Variants in ATRNL1 observed in about 807,000 individuals in gnomAD.
ATRNL1 encodes the protein attractin like 1.
Under a neutral mutation model 182.7 loss-of-function variants are expected in ATRNL1, and 95 were observed. That is an observed-to-expected ratio of 0.52 (90% CI 0.44 to 0.62). The LOEUF (loss-of-function observed/expected upper bound fraction) is 0.62, where lower values mean the gene tolerates loss of function less well. Among genes scored for constraint, ATRNL1 ranks in the 20% least tolerant of loss-of-function variants. The pLI, the probability that ATRNL1 is intolerant of heterozygous loss-of-function variation, is 0.00. For missense variants in ATRNL1, 1,471 were observed against 1,679.5 expected (o/e 0.88, Z 2.17); for synonymous variants, 576 against 568.3 (o/e 1.01, Z -0.19).
intron 19 of ATRNL1, among the ~76,000 whole-genome samples, chr10:115,348,817 TA>T (rs1234880980): frequency 5.3e-5 from 8 of 152,040 alleles, no homozygotes; most frequent in Non-Finnish European, 7.4e-5. Context: ...CTTCAATATT[TA>T]AAAAAATAAT....
At chr10:115,882,031 C>A (rs1951837035) in intron 28 of ATRNL1, among the ~76,000 whole-genome samples, 1 of 152,200 alleles carries the variant, frequency 6.6e-6, no homozygotes, top group South Asian at 2.1e-4. Context: ...CTGTCATATG[C>A]AGTCTTTACT....
At chr10:115,824,875 C>T (rs1045044612) in intron 27 of ATRNL1, among the ~76,000 whole-genome samples, 1 of 151,726 alleles carries the variant, frequency 6.6e-6, no homozygotes, top group Admixed American at 6.6e-5. Flanking sequence ...CTAGAATCAG[C>T]AATCTCATTA....
At chr10:115,589,089 A>G (rs1195666220) in intron 26 of ATRNL1, among the ~76,000 whole-genome samples, 2 of 152,308 alleles carry the variant, frequency 1.3e-5, no homozygotes, top group East Asian at 3.9e-4. Flanking sequence ...AAGAAATATA[A>G]TAAAAATGCA....
At chr10:115,405,324 T>C (rs1844765474) in intron 20 of ATRNL1, among the ~76,000 whole-genome samples, 1 of 152,228 alleles carries the variant, frequency 6.6e-6, no homozygotes, top group African/African-American at 2.4e-5. Flanking sequence ...GTCAAATGCA[T>C]GTGTGTTATA....
chr10:115,686,959 C>T (rs1356822986), intron 26 of ATRNL1, among the ~76,000 whole-genome samples: 2 of 152,018 alleles, frequency 1.3e-5, no homozygotes, highest in Non-Finnish European at 2.9e-5. Context: ...AGCCATGGAA[C>T]TATCGACAGA....
At chr10:115,836,171 C>T (rs1395068757) in intron 27 of ATRNL1, among the ~76,000 whole-genome samples, 1 of 152,138 alleles carries the variant, frequency 6.6e-6, no homozygotes, top group Non-Finnish European at 1.5e-5. Context: ...TCCCTCTTGA[C>T]CTTTGTGTGG....
intron 18 of ATRNL1, among the ~76,000 whole-genome samples, chr10:115,333,431 G>C (rs951658797): frequency 1.3e-5 from 2 of 150,878 alleles, no homozygotes; most frequent in South Asian, 2.1e-4. Context: ...GTTAAATCTT[G>C]AAGTTTTTCT....
intron 24 of ATRNL1, 50 bp from the exon 25 acceptor site, chr10:115,519,213 A>G: frequency 1.4e-6 from 2 of 1,434,786 alleles, no homozygotes; most frequent in Non-Finnish European, 1.9e-6. Flanking sequence ...ATATCACCAC[A>G]GGTTTTAGAG....
intron 26 of ATRNL1, among the ~76,000 whole-genome samples, chr10:115,707,290 C>T (rs566365080): frequency 1.6e-3 from 249 of 151,802 alleles, no homozygotes; most frequent in Non-Finnish European, 2.9e-3. Context: ...CTTACAGAAA[C>T]TTTTATAGAA....
intron 20 of ATRNL1, among the ~76,000 whole-genome samples, chr10:115,399,398 G>A (rs1554956408): frequency 1.3e-5 from 2 of 152,010 alleles, no homozygotes; most frequent in Admixed American, 6.6e-5. Context: ...GTTCAGTCTT[G>A]GGAGGGTTTA....
At position 115,470,240 on chromosome 10, in the gene ATRNL1, T is replaced by G. The variant is rs940584466; in HGVS notation, c.3654+911T>G. 3.3e-5 allele frequency among the ~76,000 whole-genome samples: 5 copies of G among 150,528 alleles called. No individual in the cohort carries two copies. In the East Asian group the frequency reaches 9.7e-4, roughly 29 times the overall value. On this transcript the variant is annotated intron_variant, in intron 24 of 28. Coordinates refer to ENST00000355044, the MANE Select transcript of ATRNL1 (RefSeq NM_207303.4). ...GTTTACTGGAAAAAATTTTTCTTCT[T>G]ATTTTTAAGGTTGATGTAACACTTA...
At chr10:115,254,724 G>C (rs1246564420) in intron 10 of ATRNL1, among the ~76,000 whole-genome samples, 1 of 152,298 alleles carries the variant, frequency 6.6e-6, no homozygotes, top group Non-Finnish European at 1.5e-5. Flanking sequence ...CCTATGTCCT[G>C]AATGGTATTG....
chr10:115,215,594 T>C, intron 8 of ATRNL1, 103 bp from the exon 9 acceptor site: 3 of 907,860 alleles, frequency 3.3e-6, no homozygotes, highest in Non-Finnish European at 4.9e-6. Flanking sequence ...TGTTTACTCA[T>C]AAAAATATGT....
At chr10:115,143,035 G>T (rs541737745) in intron 5 of ATRNL1, among the ~76,000 whole-genome samples, 6 of 152,278 alleles carry the variant, frequency 3.9e-5, no homozygotes, top group Non-Finnish European at 7.4e-5. Flanking sequence ...TCTGGAAATT[G>T]ATGGAGAGAG....
At chr10:115,280,085 C>T (rs1016344617) in intron 13 of ATRNL1, among the ~76,000 whole-genome samples, 2 of 152,152 alleles carry the variant, frequency 1.3e-5, no homozygotes, top group Non-Finnish European at 2.9e-5. Context: ...AATTACCTTT[C>T]TTTTGGTTAT....
intron 24 of ATRNL1, among the ~76,000 whole-genome samples, chr10:115,480,237 A>C (rs201438140): frequency 7.7e-6 from 1 of 129,368 alleles, no homozygotes; most frequent in African/African-American, 2.8e-5. Context: ...CACACACACA[A>C]AACAGAAAAC....
Position 115,334,262 on chromosome 10 carries a change from CT to C in ATRNL1, c.3038-15del. The C allele has an allele frequency of 6.9e-7, 1 of 1,439,474 alleles. No homozygotes were observed. The highest frequency in any genetic ancestry group is 9.4e-7 in the Non-Finnish European group (1 of 1,066,186). 89.2% of individuals were successfully genotyped at this position (1,439,474 alleles called of 1,614,324 possible). Reference sequence around the variant, plus strand: ...GATATTATGTTAGATATTTGTAATGCTTTTTACTGTTTCCTTTAGCTTGCCA... The same window carrying C: ...GATATTATGTTAGATATTTGTAATGCTTTTACTGTTTCCTTTAGCTTGCCA... On this transcript the variant is annotated intron_variant, in intron 18 of 28. Transcript: ENST00000355044.
chr10:115,630,832 A>ACC (rs1264551187), intron 26 of ATRNL1, among the ~76,000 whole-genome samples: 1 of 43,780 alleles, frequency 2.3e-5, no homozygotes, highest in Non-Finnish European at 3.6e-5. Flanking sequence ...TATTATACAC[A>ACC]CACACACACA....
At chr10:115,506,406 G>A (rs1554981310) in intron 24 of ATRNL1, among the ~76,000 whole-genome samples, 1 of 152,030 alleles carries the variant, frequency 6.6e-6, no homozygotes, top group African/African-American at 2.4e-5. Context: ...TAATGGTAAG[G>A]AGAAATTAAG....
Sources: allele counts gnomAD v4.1 joint callset (sites outside exome capture counted in the v4.1 genomes callset), GRCh38; gene constraint gnomAD v4.1.1; transcripts MANE v1.5; gene names NCBI Gene and HGNC (gene_info 2026-07-23, HGNC 2026-07-21).